FLT1: variants seen among roughly 807,000 people sequenced by gnomAD.
FLT1 encodes vascular endothelial growth factor receptor 1.
A neutral mutation model predicts 156.3 loss-of-function variants in FLT1; 49 were observed. That is an observed-to-expected ratio of 0.31 (90% CI 0.25 to 0.40). FLT1 has a LOEUF of 0.40. Ranked by LOEUF, FLT1 falls within the 10% of genes least tolerant of loss-of-function variation. The pLI is 1.00. For synonymous variants in FLT1, 594 were observed against 583.8 expected, an observed-to-expected ratio of 1.02 and a Z score of -0.25; for missense variants, 1,322 against 1,637.2, an observed-to-expected ratio of 0.81 and a Z score of 3.32.
intron 15 of FLT1, among the ~76,000 whole-genome samples, chr13:28,356,342 G>A (rs1872900266): frequency 6.6e-6 from 1 of 152,194 alleles, no homozygotes; most frequent in Admixed American, 6.5e-5. Flanking sequence ...CCTGTTAAAA[G>A]ACAGATTAGC....
chr13:28,372,067 TA>T, intron 14 of FLT1, among the ~76,000 whole-genome samples: 5 of 27,354 alleles, frequency 1.8e-4, no homozygotes, highest in Non-Finnish European at 3.6e-4. Context: ...TATATATATA[TA>T]TATATATATT....
At chr13:28,337,949 A>G (rs1872183261) in intron 17 of FLT1, among the ~76,000 whole-genome samples, 1 of 152,230 alleles carries the variant, frequency 6.6e-6, no homozygotes, top group African/African-American at 2.4e-5. Flanking sequence ...GCTAGCTGCC[A>G]TATAATTTAG....
chr13:28,303,500 C>CCA (rs1555297836), intron 29 of FLT1, 132 bp from the exon 30 acceptor site: 3 of 785,772 alleles, frequency 3.8e-6, no homozygotes, highest in East Asian at 5.3e-5. Flanking sequence ...GAACCCCCCC[C>CCA]CCCTCAATTG....
At chr13:28,407,083 G>A (rs919113508) in intron 10 of FLT1, among the ~76,000 whole-genome samples, 31 of 152,050 alleles carry the variant, frequency 2.0e-4, no homozygotes, top group African/African-American at 6.5e-4. Flanking sequence ...CTGAGTCCCC[G>A]CTGGGCCAAC....
chr13:28,406,376 T>TTAAA (rs1209273386), intron 10 of FLT1, among the ~76,000 whole-genome samples: 1 of 152,200 alleles, frequency 6.6e-6, no homozygotes, highest in Non-Finnish European at 1.5e-5. Context: ...GAAACAGTTA[T>TTAAA]TAAATTCAGT....
intron 11 of FLT1, 61 bp from the exon 12 acceptor site, chr13:28,397,129 G>T: frequency 1.1e-6 from 1 of 939,846 alleles, no homozygotes; most frequent in Non-Finnish European, 1.7e-6. Context: ...AACACCCCAA[G>T]CTACTTCTGA....
At chr13:28,334,996 G>T (rs1285420775) in intron 17 of FLT1, among the ~76,000 whole-genome samples, 1 of 152,156 alleles carries the variant, frequency 6.6e-6, no homozygotes, top group Non-Finnish European at 1.5e-5. Context: ...TCAGGAATGT[G>T]TGGGTTGCCC....
chr13:28,435,803 A>G (rs1877992144), intron 4 of FLT1, among the ~76,000 whole-genome samples: 1 of 152,220 alleles, frequency 6.6e-6, no homozygotes, highest in Non-Finnish European at 1.5e-5. Flanking sequence ...AAGAACTGAA[A>G]GCAATTAAAG....
At position 28,327,626 on chromosome 13, in the gene FLT1, G is replaced by C. The variant is rs964098800; in HGVS notation, c.2708-76C>G. 7 of 1,033,742 alleles carry C rather than the reference G, an allele frequency of 6.8e-6. No individual in the cohort carries two copies. The African/African-American group carries it at 1.1e-4, about 16-fold the overall frequency. The allele number at this position is 1,033,742 out of a possible 1,614,324, so 64.0% of individuals were successfully genotyped here. On this transcript the variant is annotated intron_variant, in intron 19 of 29. Coordinates refer to ENST00000282397, the MANE Select transcript of FLT1 (RefSeq NM_002019.4). ...CCATTTGCCAGCCTTCAGCCTGCCT[G>C]AGAAACCTCAAACCAACCAGCCTTT...
At chr13:28,469,056 T>G (rs1370692470) in intron 1 of FLT1, among the ~76,000 whole-genome samples, 1 of 152,086 alleles carries the variant, frequency 6.6e-6, no homozygotes, top group Non-Finnish European at 1.5e-5. Flanking sequence ...TCCCTCTTCT[T>G]CACCAGCCTC....
chr13:28,436,058 C>A (rs1211866578), intron 4 of FLT1, among the ~76,000 whole-genome samples: 2 of 152,230 alleles, frequency 1.3e-5, no homozygotes, highest in Non-Finnish European at 2.9e-5. Flanking sequence ...AAAATTTCCT[C>A]CGAAGTGTTT....
chr13:28,492,914 A>G (rs1468890214), intron 1 of FLT1, among the ~76,000 whole-genome samples: 3 of 152,278 alleles, frequency 2.0e-5, no homozygotes, highest in African/African-American at 7.2e-5. Flanking sequence ...CAGCTTGCCA[A>G]TGTTAGTCCT....
At chr13:28,423,742 G>T (rs191914981) in intron 10 of FLT1, among the ~76,000 whole-genome samples, 33 of 152,248 alleles carry the variant, frequency 2.2e-4, no homozygotes, top group Non-Finnish European at 4.0e-4. Context: ...CATGTGGAAG[G>T]CACTATATGC....
At chr13:28,332,895 C>T (rs991300859) in intron 18 of FLT1, among the ~76,000 whole-genome samples, 1 of 152,170 alleles carries the variant, frequency 6.6e-6, no homozygotes, top group Non-Finnish European at 1.5e-5. Flanking sequence ...GGGGTTCTTG[C>T]AGGGAGGGTG....
At chr13:28,330,083 C>T (rs1871863968) in intron 18 of FLT1, among the ~76,000 whole-genome samples, 1 of 152,266 alleles carries the variant, frequency 6.6e-6, no homozygotes, top group Non-Finnish European at 1.5e-5. Context: ...ACCCACCAGG[C>T]AGGGAGTACA....
intron 14 of FLT1, among the ~76,000 whole-genome samples, chr13:28,379,312 C>T (rs578032663): frequency 4.1e-4 from 62 of 152,132 alleles, no homozygotes; most frequent in African/African-American, 1.3e-3. Context: ...CCAGCTTGAG[C>T]GACAGCGCAA....
intron 1 of FLT1, among the ~76,000 whole-genome samples, chr13:28,485,777 A>G (rs1881123300): frequency 6.6e-6 from 1 of 152,128 alleles, no homozygotes; most frequent in Non-Finnish European, 1.5e-5. Context: ...AGCTTCCACC[A>G]TCACACTCTT....
At chr13:28,406,679 TC>T (rs1875822492) in intron 10 of FLT1, among the ~76,000 whole-genome samples, 1 of 151,972 alleles carries the variant, frequency 6.6e-6, no homozygotes, top group Non-Finnish European at 1.5e-5. Context: ...AGGGTCTCAC[TC>T]TGTCACCTAG....
chr13:28,412,389 T>TTTCTTTCTTTCC (rs1566013184), intron 10 of FLT1, among the ~76,000 whole-genome samples: 16 of 139,212 alleles, frequency 1.1e-4, no homozygotes, highest in South Asian at 2.3e-4. Flanking sequence ...TCTTTCTTTC[T>TTTCTTTCTTTCC]TTCTTTCTTT....
Sources: gnomAD v4.1 joint callset for allele counts (sites outside exome capture counted in the v4.1 genomes callset) on GRCh38, gnomAD v4.1.1 for gene constraint, MANE v1.5 for transcripts, NCBI Gene and HGNC (gene_info 2026-07-23, HGNC 2026-07-21) for gene names.